PACS1: variants seen among roughly 807,000 people sequenced by gnomAD.
PACS1 encodes the protein PACS-1.
Under a neutral mutation model 115.0 loss-of-function variants are expected in PACS1, and 24 were observed. The observed-to-expected ratio is 0.21, with a 90% CI of 0.15 to 0.29. The LOEUF (loss-of-function observed/expected upper bound fraction) is 0.29, where lower values mean the gene tolerates loss of function less well. Ranked by LOEUF, PACS1 falls within the 10% of genes least tolerant of loss-of-function variation. The pLI, the probability that PACS1 is intolerant of heterozygous loss-of-function variation, is 1.00. For missense variants in PACS1, 838 were observed against 1,251.2 expected (o/e 0.67, Z 4.98); for synonymous variants, 453 against 504.5 (o/e 0.90, Z 1.37).
At chr11:66,156,318 T>A (rs1169266483) in intron 1 of PACS1, among the ~76,000 whole-genome samples, 1 of 146,258 alleles carries the variant, frequency 6.8e-6, no homozygotes, top group Non-Finnish European at 1.5e-5. Context: ...TGGTGTGTGA[T>A]CTCGGCTCAC....
chr11:66,174,556 T>G (rs138631549), intron 1 of PACS1, among the ~76,000 whole-genome samples: 198 of 152,282 alleles, frequency 1.3e-3, no homozygotes, highest in African/African-American at 4.5e-3. Context: ...TAAATAAATA[T>G]TATTCACCAA....
intron 1 of PACS1, among the ~76,000 whole-genome samples, chr11:66,077,703 G>GTTT (rs34935652): frequency 3.8e-4 from 50 of 131,236 alleles, no homozygotes; most frequent in Non-Finnish European, 5.0e-4. Flanking sequence ...TTGTAAGTTT[G>GTTT]TTTTTTTTTT....
At position 66,242,978 on chromosome 11, in the gene PACS1, A is replaced by G; in HGVS notation, c.2723A>G (p.Glu908Gly). The change falls in exon 23 of 24, where the codon GAA (glutamate) becomes GGA (glycine). Residue 908 changes from glutamate to glycine, a missense_variant. This residue lies in a region of PACS1 where 84 missense variants were observed against 187.1 expected (regional missense o/e 0.45). Transcript: ENST00000320580. Reference protein sequence around the residue: ...KEVDSKSQVIEGISRLICSAK... With the variant: ...KEVDSKSQVIGGISRLICSAK... ...GTGGATTCTAAGAGCCAGGTCATTG[A>G]AGGCATCAGCCGCCTCATCTGCTCA... 1 of 1,613,928 alleles carries G rather than the reference A, an allele frequency of 6.2e-7. No individual in the cohort carries two copies. The highest frequency in any genetic ancestry group is 8.5e-7 in the Non-Finnish European group (1 of 1,179,920).
intron 1 of PACS1, among the ~76,000 whole-genome samples, chr11:66,128,748 G>A (rs972926644): frequency 6.6e-6 from 1 of 152,054 alleles, no homozygotes; most frequent in Non-Finnish European, 1.5e-5. Context: ...GCCAGGCGTA[G>A]TGACATGCGC....
intron 1 of PACS1, among the ~76,000 whole-genome samples, chr11:66,138,155 G>A (rs989168240): frequency 2.6e-5 from 4 of 152,014 alleles, no homozygotes; most frequent in Non-Finnish European, 4.4e-5. Context: ...GCAGTGGCCT[G>A]ATCATGGCTC....
intron 1 of PACS1, among the ~76,000 whole-genome samples, chr11:66,071,621 G>A (rs990796080): frequency 1.3e-5 from 2 of 152,156 alleles, no homozygotes; most frequent in African/African-American, 4.8e-5. Context: ...TCCAACTCTG[G>A]GGACAGGGTG....
At chr11:66,131,482 T>C (rs1415046881) in intron 1 of PACS1, among the ~76,000 whole-genome samples, 2 of 152,232 alleles carry the variant, frequency 1.3e-5, no homozygotes, top group African/African-American at 2.4e-5. Flanking sequence ...AAGGCAGTTA[T>C]AAATGTTTCA....
chr11:66,080,422 G>C (rs1490703583), intron 1 of PACS1, among the ~76,000 whole-genome samples: 1 of 152,128 alleles, frequency 6.6e-6, no homozygotes, highest in East Asian at 1.9e-4. Flanking sequence ...AACTGAGTGT[G>C]GGGGGAAAGG....
chr11:66,070,755 CG>C lies in PACS1; in HGVS notation c.273del (p.Pro92GlnfsTer10). On this transcript the variant is annotated frameshift_variant, in exon 1 of 24. Transcript: ENST00000320580. LOFTEE classifies it high-confidence loss of function. The surrounding 1 kb of genome is among the most constrained non-coding windows in gnomAD (Gnocchi z 5.9). ...VASGSAPPGGPGPGRTPAPVQ... is the reference protein window; with the variant it reads ...VASGSAPPGGXGPGRTPAPVQ... ...TCGGGCTCCGCGCCTCCCGGTGGCC[CG>C]GGGCCAGGCCGCACCCCCGCCCCGG... 2 of 1,551,258 alleles carry C rather than the reference CG, an allele frequency of 1.3e-6. No individual in the cohort carries two copies. Among genetic ancestry groups the C allele is most frequent in the Non-Finnish European group, 1.7e-6 (2 of 1,156,542 alleles).
At chr11:66,227,405 A>ACC (rs1855489351) in intron 10 of PACS1, 99 bp from the exon 11 acceptor site, 1 of 702,266 alleles carries the variant, frequency 1.4e-6, no homozygotes, top group Non-Finnish European at 2.5e-6. Flanking sequence ...GAGGTTTGAG[A>ACC]TTAAATGAAA....
At chr11:66,102,988 G>A (rs1041862151) in intron 1 of PACS1, among the ~76,000 whole-genome samples, 14 of 151,926 alleles carry the variant, frequency 9.2e-5, no homozygotes, top group African/African-American at 3.1e-4. Context: ...GTGCCACCAC[G>A]CCCAGCTAAT....
intron 2 of PACS1, among the ~76,000 whole-genome samples, chr11:66,210,073 C>T (rs914600522): frequency 7.9e-5 from 12 of 151,664 alleles, no homozygotes; most frequent in African/African-American, 2.9e-4. Context: ...CTCTGTCACC[C>T]AGGCTGGAGT....
chr11:66,196,280 C>T (rs377313471), intron 2 of PACS1, among the ~76,000 whole-genome samples: 9 of 152,334 alleles, frequency 5.9e-5, no homozygotes, highest in African/African-American at 1.9e-4. Context: ...AGCAGTAAAA[C>T]GTGTTAATTT....
At position 66,202,740 on chromosome 11, in the gene PACS1, AAAATATATAT is replaced by A. The variant is rs1487640467; in HGVS notation, c.445-7620_445-7611del. Among the ~76,000 whole-genome samples the A allele has an allele frequency of 2.4e-4, 21 of 85,942 alleles. 1 individual carries two copies. Among genetic ancestry groups the A allele is most frequent in the African/African-American group, 1.0e-3 (17 of 16,322 alleles). The allele number at this position is 85,942 out of a possible 152,430, so 56.4% of individuals were successfully genotyped here. ...CTCATCTCTAGGAAAAAAAAAAAAA[AAAATATATAT>A]ATATATATATATATATATATATATA... On this transcript the variant is annotated intron_variant, in intron 2 of 23. Transcript: ENST00000320580.
intron 1 of PACS1, among the ~76,000 whole-genome samples, chr11:66,155,876 G>C (rs1468985295): frequency 6.6e-6 from 1 of 152,064 alleles, no homozygotes; most frequent in Non-Finnish European, 1.5e-5. Context: ...TCCAATGAGA[G>C]CTCTGAGCAG....
chr11:66,141,882 G>A (rs746432999), intron 1 of PACS1, among the ~76,000 whole-genome samples: 4 of 151,136 alleles, frequency 2.6e-5, no homozygotes, highest in South Asian at 2.1e-4. Flanking sequence ...CTCAGCTCAC[G>A]GCAGCCTCTG....
intron 11 of PACS1, among the ~76,000 whole-genome samples, chr11:66,229,406 T>C (rs1160782585): frequency 1.3e-5 from 2 of 150,856 alleles, no homozygotes; most frequent in Non-Finnish European, 3.0e-5. Flanking sequence ...TTTAAAAGGA[T>C]GTCAGGAATT....
At chr11:66,125,016 C>T (rs530514372) in intron 1 of PACS1, among the ~76,000 whole-genome samples, 1 of 152,310 alleles carries the variant, frequency 6.6e-6, no homozygotes, top group Non-Finnish European at 1.5e-5. Context: ...CTGTTTCTTT[C>T]CATGTCTGTC....
At chr11:66,186,438 G>T (rs1245482641) in intron 1 of PACS1, among the ~76,000 whole-genome samples, 1 of 152,094 alleles carries the variant, frequency 6.6e-6, no homozygotes, top group African/African-American at 2.4e-5. Context: ...TTCTCAAGGA[G>T]GCCCACCCTG....
Sources: gnomAD v4.1 joint callset for allele counts (sites outside exome capture counted in the v4.1 genomes callset) on GRCh38, gnomAD v4.1.1 for gene constraint, gnomAD v4.1.1 regional missense constraint, Gnocchi (gnomAD v3.1) non-coding constraint, MANE v1.5 for transcripts, NCBI Gene and HGNC (gene_info 2026-07-23, HGNC 2026-07-21) for gene names.